Variants in TET2 observed in about 807,000 individuals in gnomAD.
TET2 encodes the protein methylcytosine dioxygenase TET2.
A neutral mutation model predicts 142.9 loss-of-function variants in TET2; 299 were observed. That is an observed-to-expected ratio of 2.09 (90% CI 1.90 to 2.30). The LOEUF is 2.30. TET2 is among the 30% of genes most tolerant of loss of function. The pLI is 0.00. For missense variants in TET2, 2,418 were observed against 2,378.0 expected (o/e 1.02, Z -0.35); for synonymous variants, 819 against 849.0 (o/e 0.96, Z 0.61).
At chr4:105,199,554 C>T (rs1250306794) in intron 2 of TET2, among the ~76,000 whole-genome samples, 1 of 151,876 alleles carries the variant, frequency 6.6e-6, no homozygotes, top group Admixed American at 6.6e-5. Flanking sequence ...TAACTTTTTT[C>T]CTTAAGTTCA....
chr4:105,262,636 C>T (rs1011289125), intron 8 of TET2, among the ~76,000 whole-genome samples: 1 of 152,132 alleles, frequency 6.6e-6, no homozygotes, highest in Non-Finnish European at 1.5e-5. Flanking sequence ...AATCCCAACA[C>T]TTTGGGAGGC....
At chr4:105,167,862 T>C (rs1361594747) in intron 1 of TET2, among the ~76,000 whole-genome samples, 6 of 152,198 alleles carry the variant, frequency 3.9e-5, no homozygotes, top group African/African-American at 9.7e-5. Flanking sequence ...TAACAGTCTT[T>C]AAAAATAAAT....
chr4:105,237,070 A>G lies in TET2; in HGVS notation c.3128A>G (p.His1043Arg), dbSNP rs1214756175. 1 of 1,614,180 alleles carries G rather than the reference A, an allele frequency of 6.2e-7. No individual in the cohort carries two copies. The highest frequency in any genetic ancestry group is 2.2e-5 in the East Asian group (1 of 44,874). ...TTTCACGCCAAGTCGTTATTTGACC[A>G]TAAGGCTCTTACTCTCAAATCACAG... ...KQFHAKSLFDHKALTLKSQKQ... is the reference protein window; with the variant it reads ...KQFHAKSLFDRKALTLKSQKQ... Residue 1043 changes from histidine (H) to arginine (R), a missense_variant, in exon 3 of 11, where the codon CAT (histidine) becomes CGT (arginine). Transcript: ENST00000380013.
At position 105,235,928 on chromosome 4, in the gene TET2, C is replaced by G. The variant is rs748286282; in HGVS notation, c.1986C>G (p.Phe662Leu). ...QFQKPSHQVHFSKTDHLPKAH... is the reference protein window; with the variant it reads ...QFQKPSHQVHLSKTDHLPKAH... ...AAAAACCCTCACACCAGGTGCACTT[C>G]TCCAAAACAGACCATTTACCAAAAG... Residue 662 changes from phenylalanine to leucine, a missense_variant, in exon 3 of 11, where the codon TTC becomes TTG. Phe to Leu is a conservative substitution (Grantham distance 22). Transcript: ENST00000380013. The G allele has an allele frequency of 3.1e-6, 5 of 1,614,014 alleles. No individual in the cohort carries two copies. Among genetic ancestry groups the G allele is most frequent in the Non-Finnish European group, 3.4e-6 (4 of 1,180,032 alleles).
intron 1 of TET2, among the ~76,000 whole-genome samples, chr4:105,178,666 G>C (rs1022150197): frequency 6.6e-6 from 1 of 152,070 alleles, no homozygotes; most frequent in Non-Finnish European, 1.5e-5. Context: ...GGGTCTGTGG[G>C]GACAGGGGTA....
intron 8 of TET2, among the ~76,000 whole-genome samples, chr4:105,268,493 T>C (rs1475614448): frequency 2.6e-5 from 4 of 152,244 alleles, no homozygotes; most frequent in Non-Finnish European, 5.9e-5. Flanking sequence ...CAATACATGA[T>C]GTTTCAAAAC....
At chr4:105,230,106 A>G (rs1210181663) in intron 2 of TET2, among the ~76,000 whole-genome samples, 1 of 151,970 alleles carries the variant, frequency 6.6e-6, no homozygotes, top group Admixed American at 6.6e-5. Context: ...CAGCATCACA[A>G]TCTCACCTCA....
intron 2 of TET2, among the ~76,000 whole-genome samples, chr4:105,233,238 G>C (rs1156734612): frequency 6.6e-6 from 1 of 151,868 alleles, no homozygotes; most frequent in Non-Finnish European, 1.5e-5. Context: ...ACAAAAATTA[G>C]CTAGGCATGG....
At chr4:105,213,286 A>G (rs1303141293) in intron 2 of TET2, among the ~76,000 whole-genome samples, 1 of 152,204 alleles carries the variant, frequency 6.6e-6, no homozygotes, top group Non-Finnish European at 1.5e-5. Flanking sequence ...TTGTTATTCT[A>G]AGTCATAAAG....
At chr4:105,265,784 T>C (rs1183907712) in intron 8 of TET2, among the ~76,000 whole-genome samples, 4 of 152,078 alleles carry the variant, frequency 2.6e-5, no homozygotes, top group Admixed American at 6.6e-5. Flanking sequence ...TTTTTAGACA[T>C]AGAATAAGAA....
chr4:105,204,582 A>C (rs1247755654), intron 2 of TET2, among the ~76,000 whole-genome samples: 1 of 152,176 alleles, frequency 6.6e-6, no homozygotes, highest in Non-Finnish European at 1.5e-5. Context: ...TGAAAAGAAT[A>C]TCTGTGGCAC....
intron 2 of TET2, among the ~76,000 whole-genome samples, chr4:105,223,192 TAA>T (rs1425337061): frequency 1.3e-5 from 2 of 152,156 alleles, no homozygotes; most frequent in African/African-American, 4.8e-5. Flanking sequence ...GAATGAGAAA[TAA>T]AAAGTTAGCT....
intron 1 of TET2, among the ~76,000 whole-genome samples, chr4:105,189,743 A>T (rs912541184): frequency 6.6e-6 from 1 of 152,214 alleles, no homozygotes; most frequent in Non-Finnish European, 1.5e-5. Context: ...GTCCTTTTAA[A>T]GTATATGTCC....
chr4:105,177,194 AAATC>A (rs1724847820), intron 1 of TET2, among the ~76,000 whole-genome samples: 1 of 152,228 alleles, frequency 6.6e-6, no homozygotes, highest in African/African-American at 2.4e-5. Context: ...AACACAGGAA[AAATC>A]CTAGATGACT....
chr4:105,276,031 G>T lies in TET2; in HGVS notation c.5521G>T (p.Glu1841Ter), dbSNP rs1731204181. ...AGTCCAGGGTGTGGCTTCTGGTGCAGAGGACAACGATGAGGTCTGGTCAGA... is the reference window on the plus strand; with the variant it reads ...AGTCCAGGGTGTGGCTTCTGGTGCATAGGACAACGATGAGGTCTGGTCAGA... Reference protein sequence around the residue: ...ALVQGVASGAEDNDEVWSDSE... With the variant: ...ALVQGVASGA Residue 1841 changes from glutamate to a stop codon, truncating the protein, a stop_gained, in exon 11 of 11, where the codon GAG (glutamate) becomes TAG (stop). Coordinates refer to ENST00000380013, the MANE Select transcript of TET2 (RefSeq NM_001127208.3). LOFTEE classifies it high-confidence loss of function. The T allele has an allele frequency of 6.4e-7, 1 of 1,551,608 alleles. No individual in the cohort carries two copies. The highest frequency in any genetic ancestry group is 8.7e-7 in the Non-Finnish European group (1 of 1,146,992).
rs1302016162 is a variant in TET2, at chr4:105,244,291, A to G, written c.3803+513A>G. On this transcript the variant is annotated intron_variant, in intron 6 of 10. Transcript: ENST00000380013. ...CATTCAAACTATTCATTATTTCCACAATAGTAATCAAAACTGCTTCTACTT... is the reference window on the plus strand; with the variant it reads ...CATTCAAACTATTCATTATTTCCACGATAGTAATCAAAACTGCTTCTACTT... Among the ~76,000 whole-genome samples the G allele has an allele frequency of 2.0e-5, 3 of 152,350 alleles. No homozygotes were observed. The East Asian group carries it at 5.8e-4, about 29-fold the overall frequency.
chr4:105,237,933 TC>T (rs1371094985), intron 3 of TET2: 1 of 1,008,964 alleles, frequency 9.9e-7, no homozygotes, highest in Non-Finnish European at 1.2e-6. Context: ...TCATTTTGAT[TC>T]CCTTTTCTCT....
intron 10 of TET2, among the ~76,000 whole-genome samples, chr4:105,273,173 C>G (rs1731049100): frequency 6.6e-6 from 1 of 152,146 alleles, no homozygotes; most frequent in African/African-American, 2.4e-5. Context: ...ACTCCCCCAC[C>G]ATGTGTCCAT....
At position 105,235,367 on chromosome 4, in the gene TET2, G is replaced by A. The variant is rs1728794183; in HGVS notation, c.1425G>A (p.Met475Ile). The change falls in exon 3 of 11, where the codon ATG becomes ATA. Residue 475 changes from methionine (M) to isoleucine (I), a missense_variant. Physicochemically the swap from Met to Ile is conservative, Grantham distance 10 (BLOSUM62 1). Transcript: ENST00000380013. The stretch of plus-strand genomic sequence containing the variant: ...CACATGTATGCAGCCCTTCTCCGAT[G>A]CTTTCTGAAAGGCCTCAGAATAATT... ...PSTHVCSPSP[M>I]LSERPQNNCV... The A allele has an allele frequency of 6.2e-7, 1 of 1,614,056 alleles. No homozygotes were observed. The highest frequency in any genetic ancestry group is 1.3e-5 in the African/African-American group (1 of 74,932).
Sources: gnomAD v4.1 joint callset for allele counts (sites outside exome capture counted in the v4.1 genomes callset) on GRCh38, gnomAD v4.1.1 for gene constraint, MANE v1.5 for transcripts, NCBI Gene and HGNC (gene_info 2026-07-23, HGNC 2026-07-21) for gene names.